Variants in MAN2B2 observed in about 807,000 individuals in gnomAD.
MAN2B2 encodes the protein epididymis-specific alpha-mannosidase.
MAN2B2 carries 106 observed loss-of-function variants against 117.1 expected under a neutral mutation model. The observed-to-expected ratio is 0.90, with a 90% CI of 0.77 to 1.06. The LOEUF is 1.06. Among genes scored for constraint, MAN2B2 ranks in the 50% least tolerant of loss-of-function variants. The pLI, the probability that MAN2B2 is intolerant of heterozygous loss-of-function variation, is 0.00. For missense variants in MAN2B2, 1,326 were observed against 1,381.4 expected, an observed-to-expected ratio of 0.96 and a Z score of 0.64; for synonymous variants, 544 against 595.1, an observed-to-expected ratio of 0.91 and a Z score of 1.25.
chr4:6,620,325 AG>A (rs556464106), intron 18 of MAN2B2: 89 of 325,836 alleles, frequency 2.7e-4, no homozygotes, highest in South Asian at 2.7e-3. Flanking sequence ...GGTGACAGCT[AG>A]GGGCCCAGGG....
At chr4:6,591,982 C>T (rs1022863553) in intron 5 of MAN2B2, among the ~76,000 whole-genome samples, 2 of 152,198 alleles carry the variant, frequency 1.3e-5, no homozygotes, top group Non-Finnish European at 2.9e-5. Flanking sequence ...CAGCAGCCCG[C>T]CCCAGGTCCC....
intron 10 of MAN2B2, among the ~76,000 whole-genome samples, chr4:6,603,595 T>C (rs940193908): frequency 6.6e-6 from 1 of 152,112 alleles, no homozygotes; most frequent in East Asian, 1.9e-4. Context: ...TCAGCATACA[T>C]TTCTGGAGCT....
intron 15 of MAN2B2, among the ~76,000 whole-genome samples, chr4:6,611,949 T>C (rs1711587693): frequency 1.3e-5 from 2 of 152,218 alleles, no homozygotes; most frequent in African/African-American, 4.8e-5. Context: ...TGTGTCTCTA[T>C]AAAGTAGCAG....
Position 6,598,187 on chromosome 4 carries a change from G to C in MAN2B2, c.1249-11G>C. 3 of 1,611,588 alleles carry C rather than the reference G, an allele frequency of 1.9e-6. No individual in the cohort carries two copies. Among genetic ancestry groups the C allele is most frequent in the Non-Finnish European group, 2.5e-6 (3 of 1,178,426 alleles). On this transcript the variant is annotated splice_polypyrimidine_tract_variant and intron_variant, in intron 8 of 18. Transcript: ENST00000285599. ...GATCCTGTTCTTCCTCCCCTCTGGGGGTTGCTGCAGGTCCAGCACCATGAT... is the reference window on the plus strand; with the variant it reads ...GATCCTGTTCTTCCTCCCCTCTGGGCGTTGCTGCAGGTCCAGCACCATGAT...
intron 10 of MAN2B2, 127 bp from the exon 11 acceptor site, chr4:6,604,928 G>T (rs1727476871): frequency 3.5e-6 from 4 of 1,142,854 alleles, no homozygotes; most frequent in Non-Finnish European, 5.0e-6. Flanking sequence ...AGAACTGGGG[G>T]CAGGGAGGAG....
chr4:6,592,534 T>C (rs1214464547), intron 5 of MAN2B2, among the ~76,000 whole-genome samples: 1 of 152,032 alleles, frequency 6.6e-6, no homozygotes, highest in African/African-American at 2.4e-5. Context: ...AGCCCGGGAG[T>C]TCGAGGCTGC....
Position 6,622,036 on chromosome 4 carries a change from G to C in MAN2B2, c.*751G>C, listed in dbSNP as rs970016566. On this transcript the variant is annotated 3_prime_UTR_variant, in exon 19 of 19. Transcript: ENST00000285599. ...AGCATTACTCAAAAGTCAAACGGTA[G>C]CAACAACCCAAATGTCCATCCACAG... 1 of 152,230 alleles carries C rather than the reference G, an allele frequency of 6.6e-6. No individual in the cohort carries two copies. The highest frequency in any genetic ancestry group is 2.4e-5 in the African/African-American group (1 of 41,454). 9.4% of individuals were successfully genotyped at this position (152,230 alleles called of 1,614,324 possible). A position where few individuals can be genotyped will look rare whatever the true frequency, so the allele number is the denominator to read the frequency against.
chr4:6,579,343 T>TCACCATCACCACCACCATCACCATCAC (rs1726314551), intron 3 of MAN2B2, among the ~76,000 whole-genome samples: 1 of 28,474 alleles, frequency 3.5e-5, no homozygotes, highest in Admixed American at 3.9e-4. Context: ...ACCACCACCA[T>TCACCATCACCACCACCATCACCATCAC]CACCATCACC....
chr4:6,583,349 C>T (rs1254425886), intron 3 of MAN2B2, among the ~76,000 whole-genome samples: 1 of 152,204 alleles, frequency 6.6e-6, no homozygotes, highest in Non-Finnish European at 1.5e-5. Context: ...CTACCAGTTG[C>T]AAAGGAGGCT....
At chr4:6,615,306 G>A (rs1191389606) in intron 16 of MAN2B2, among the ~76,000 whole-genome samples, 2 of 152,158 alleles carry the variant, frequency 1.3e-5, no homozygotes, top group Admixed American at 6.5e-5. Flanking sequence ...ACCTGCAGCC[G>A]CCTTGTGAAA....
intron 15 of MAN2B2, among the ~76,000 whole-genome samples, chr4:6,613,238 G>C (rs1219273591): frequency 6.6e-6 from 1 of 152,184 alleles, no homozygotes; most frequent in Non-Finnish European, 1.5e-5. Context: ...CTTCTGAGCA[G>C]AGAGACCAGT....
At chr4:6,597,405 GC>G in intron 8 of MAN2B2, 102 bp downstream of exon 8, 1 of 1,261,306 alleles carries the variant, frequency 7.9e-7, no homozygotes. Flanking sequence ...GGCACTAGAG[GC>G]CCCACTTTAC....
Position 6,575,344 on chromosome 4 carries a change from T to C in MAN2B2, c.134T>C (p.Val45Ala), listed in dbSNP as rs890500719. ...ATGGACGTGGGCTGGGTCTACACTG[T>C]GCAGGTAGGTGCCGACCACGCCCCG... ...SHMDVGWVYT[V>A]QESMRAYAAN... Residue 45 changes from valine to alanine, a missense_variant, in exon 1 of 19, where the codon GTG becomes GCG. By Grantham distance (64) the Val-to-Ala change is moderately conservative. Coordinates refer to ENST00000285599, the MANE Select transcript of MAN2B2 (RefSeq NM_015274.3). The C allele has an allele frequency of 1.4e-5, 22 of 1,553,552 alleles. No individual in the cohort carries two copies. The African/African-American group carries it at 2.7e-4, about 19-fold the overall frequency.
intron 7 of MAN2B2, among the ~76,000 whole-genome samples, chr4:6,595,374 A>G (rs966988512): frequency 4.6e-5 from 7 of 152,250 alleles, no homozygotes; most frequent in South Asian, 2.1e-4. Context: ...GCACAGAGGC[A>G]GGGCTCAGCA....
At chr4:6,612,885 G>A (rs1417720369) in intron 15 of MAN2B2, among the ~76,000 whole-genome samples, 1 of 152,236 alleles carries the variant, frequency 6.6e-6, no homozygotes, top group Non-Finnish European at 1.5e-5. Context: ...GAAGGGCAGG[G>A]TGTAATTGGG....
chr4:6,597,186 CTTG>C lies in MAN2B2; in HGVS notation c.1136_1138del (p.Leu379del), dbSNP rs761047217. On this transcript the variant is annotated inframe_deletion, in exon 8 of 19. Coordinates refer to ENST00000285599, the MANE Select transcript of MAN2B2 (RefSeq NM_015274.3). The stretch of plus-strand genomic sequence containing the variant: ...AGGGGCTGGCCCGGCGAGCCAGCGC[CTTG>C]TTGTATGCCGGGGAGTCCATGTTCA... 6 of 1,612,824 alleles carry C rather than the reference CTTG, an allele frequency of 3.7e-6. No homozygotes were observed. The highest frequency in any genetic ancestry group is 1.3e-5 in the African/African-American group (1 of 75,046).
rs1416538328 is a variant in MAN2B2 at position 6,610,919 on chromosome 4, G to T, written c.2299G>T (p.Gly767Cys). 1.2e-6 allele frequency: 2 copies of T among 1,614,208 alleles called. No homozygotes were observed. The highest frequency in any genetic ancestry group is 4.5e-5 in the East Asian group (2 of 44,886). The change falls in exon 14 of 19, where the codon GGC becomes TGC. Residue 767 changes from glycine (G) to cysteine (C), a missense_variant. Physicochemically the swap from Gly to Cys is radical, Grantham distance 159. Coordinates refer to ENST00000285599, the MANE Select transcript of MAN2B2 (RefSeq NM_015274.3). ...GGTTCAGTCGGCCTTCATGGAGGAT[G>T]GCAAAAGCAGGCTTGTGTTGCTGTC... ...PMVQSAFMED[G>C]KSRLVLLSER...
chr4:6,611,781 G>A (rs1217593539), intron 15 of MAN2B2, among the ~76,000 whole-genome samples: 7 of 152,164 alleles, frequency 4.6e-5, no homozygotes, highest in Non-Finnish European at 1.0e-4. Context: ...GTGGCAAAGC[G>A]AGACTCTGTC....
intron 2 of MAN2B2, 110 bp from the exon 3 acceptor site, chr4:6,578,283 G>A: frequency 2.7e-6 from 2 of 741,016 alleles, no homozygotes; most frequent in East Asian, 5.4e-5. Flanking sequence ...GTAAGCAAGG[G>A]TGGGGAGTTT....
Sources: gnomAD v4.1 joint callset for allele counts (sites outside exome capture counted in the v4.1 genomes callset) on GRCh38, gnomAD v4.1.1 for gene constraint, MANE v1.5 for transcripts, NCBI Gene and HGNC (gene_info 2026-07-23, HGNC 2026-07-21) for gene names.